Variants in GRK4 observed in about 807,000 individuals in gnomAD.
The protein encoded by GRK4 is G protein-coupled receptor kinase 4, also known as G protein-coupled receptor kinase 2-like.
Under a neutral mutation model 77.9 loss-of-function variants are expected in GRK4, and 73 were observed. The ratio of observed to expected loss-of-function variants is 0.94; its 90% CI spans 0.78 to 1.14. GRK4 has a LOEUF of 1.14. GRK4 is among the 50% of genes most tolerant of loss of function. The pLI, the probability that GRK4 is intolerant of heterozygous loss-of-function variation, is 0.00. For missense variants in GRK4, 729 were observed against 700.2 expected (o/e 1.04, Z -0.46); for synonymous variants, 257 against 254.4 (o/e 1.01, Z -0.10).
intron 3 of GRK4, among the ~76,000 whole-genome samples, chr4:2,989,440 GTCTC>G (rs753988937): frequency 2.8e-4 from 42 of 152,128 alleles, no homozygotes; most frequent in Non-Finnish European, 5.1e-4. Context: ...TTGAAATGGA[GTCTC>G]TCTCTGTCTC....
rs114914413 is a variant in GRK4 at position 2,997,655 on chromosome 4, A to T, written c.339+5363A>T. On this transcript the variant is annotated intron_variant, in intron 4 of 15. Coordinates refer to ENST00000398052, the MANE Select transcript of GRK4 (RefSeq NM_182982.3). ...CCGGGTGTGGTGGTGTTCACCTGTA[A>T]TTCCAGCACTTTGGGAGGCCGAGGT... Among the ~76,000 whole-genome samples the T allele has an allele frequency of 9.7e-3, 1,472 of 152,296 alleles. 30 individuals carry two copies. The highest frequency in any genetic ancestry group is 0.033 in the African/African-American group (1,382 of 41,560).
At chr4:3,019,343 A>G (rs545981465) in intron 8 of GRK4, among the ~76,000 whole-genome samples, 1 of 152,318 alleles carries the variant, frequency 6.6e-6, no homozygotes, top group Non-Finnish European at 1.5e-5. Flanking sequence ...TCAGGGCTCA[A>G]GTGATGAGAG....
At position 3,032,205 on chromosome 4, in the gene GRK4, C is replaced by T. The variant is rs574200519; in HGVS notation, c.1269+2796C>T. ...ACTGCAGTGAAAAAGCAGAATGGGC[C>T]GGGTGCGGTGGCTCATGCTATAATC... On this transcript the variant is annotated intron_variant, in intron 12 of 15. Transcript: ENST00000398052. Among the ~76,000 whole-genome samples the T allele has an allele frequency of 3.9e-5, 6 of 152,076 alleles. No individual in the cohort carries two copies. The East Asian group carries it at 5.8e-4, about 15-fold the overall frequency.
intron 8 of GRK4, among the ~76,000 whole-genome samples, chr4:3,014,298 T>TC (rs143778668): frequency 8.5e-6 from 1 of 118,146 alleles, no homozygotes; most frequent in Non-Finnish European, 1.7e-5. Flanking sequence ...CTCTCTCTCT[T>TC]TTTTTTTTTT....
intron 7 of GRK4, 79 bp downstream of exon 7, chr4:3,009,790 T>C (rs1732374269): frequency 2.0e-6 from 2 of 1,000,416 alleles, no homozygotes; most frequent in Non-Finnish European, 3.2e-6. Context: ...CTTCAGGTAA[T>C]GCATCAGCTC....
At chr4:2,983,657 T>C (rs925608123) in intron 1 of GRK4, among the ~76,000 whole-genome samples, 25 of 152,200 alleles carry the variant, frequency 1.6e-4, no homozygotes, top group African/African-American at 5.5e-4. Flanking sequence ...TTTTGTTTCA[T>C]ATTTATCACT....
At chr4:3,030,485 G>A (rs1053726401) in intron 12 of GRK4, among the ~76,000 whole-genome samples, 2 of 151,868 alleles carry the variant, frequency 1.3e-5, no homozygotes, top group African/African-American at 2.4e-5. Flanking sequence ...TCCAGGCACC[G>A]TCCTAGGCAT....
At chr4:2,987,193 A>G (rs1312987389) in intron 2 of GRK4, 2 of 503,542 alleles carry the variant, frequency 4.0e-6, no homozygotes, top group East Asian at 5.5e-5. Context: ...CAGACATTTC[A>G]TATAAATGGG....
At chr4:3,033,743 C>G (rs567993365) in intron 12 of GRK4, among the ~76,000 whole-genome samples, 2 of 152,142 alleles carry the variant, frequency 1.3e-5, no homozygotes, top group African/African-American at 4.8e-5. Flanking sequence ...TCTGCCACCA[C>G]GTCCGGCTAA....
intron 12 of GRK4, among the ~76,000 whole-genome samples, chr4:3,029,945 G>A (rs146650924): frequency 1.1e-4 from 17 of 152,326 alleles, no homozygotes; most frequent in African/African-American, 3.8e-4. Flanking sequence ...TTCATGGTTT[G>A]ATTTCTCAAA....
intron 1 of GRK4, among the ~76,000 whole-genome samples, chr4:2,979,235 A>AT (rs1336120056): frequency 1.3e-5 from 2 of 150,330 alleles, no homozygotes; most frequent in Non-Finnish European, 3.0e-5. Context: ...AAAAAAAAAA[A>AT]CAAAAAAAAA....
At chr4:2,972,468 A>G (rs963693250) in intron 1 of GRK4, among the ~76,000 whole-genome samples, 8 of 152,154 alleles carry the variant, frequency 5.3e-5, no homozygotes, top group African/African-American at 1.9e-4. Context: ...AACTGAGGAC[A>G]GCTGAATGAG....
chr4:2,964,154 C>CCG (rs1560323991), intron 1 of GRK4, 32 bp downstream of exon 1: 6 of 1,544,962 alleles, frequency 3.9e-6, no homozygotes, highest in Non-Finnish European at 5.3e-6. Flanking sequence ...CCGACCCCCC[C>CCG]CCCAGAGAAC....
At chr4:2,964,495 C>T (rs975741974) in intron 1 of GRK4, among the ~76,000 whole-genome samples, 7 of 152,154 alleles carry the variant, frequency 4.6e-5, no homozygotes, top group African/African-American at 1.4e-4. Flanking sequence ...CAAAAAAGAA[C>T]GGCGTCTTTA....
intron 1 of GRK4, chr4:2,965,542 C>A: frequency 1.5e-6 from 1 of 687,504 alleles, no homozygotes; most frequent in South Asian, 1.5e-5. Context: ...GCCGGCGATG[C>A]ATATTTAAAG....
chr4:3,029,416 C>CA lies in GRK4; in HGVS notation c.1269+8dup. 6.2e-7 allele frequency: 1 copy of CA among 1,609,516 alleles called. No individual in the cohort carries two copies. On this transcript the variant is annotated splice_region_variant and intron_variant, in intron 12 of 15. Transcript: ENST00000398052. ...CAAATCTATCTGCAGGATGGTAAGT[C>CA]AGGCTCTGTAGAGGCTGGGAAATGG...
Position 3,024,996 on chromosome 4 carries a change from C to A in GRK4, c.970+2545C>A, listed in dbSNP as rs548015328. ...AATTTAAAGTCACTCAGAGGCCGGG[C>A]ACAGTGGCTCTTGCCTGTAATCCCA... On this transcript the variant is annotated intron_variant, in intron 10 of 15. Coordinates refer to ENST00000398052, the MANE Select transcript of GRK4 (RefSeq NM_182982.3). Among the ~76,000 whole-genome samples the A allele has an allele frequency of 8.5e-5, 13 of 152,150 alleles. No homozygotes were observed. The East Asian group carries it at 2.5e-3, about 30-fold the overall frequency.
rs976704349 is a variant in GRK4 at position 2,963,673 on chromosome 4, CCAGTGAGCCCCTGT to C, written c.-396_-383del. The C allele has an allele frequency of 4.7e-5, 17 of 359,688 alleles. No individual in the cohort carries two copies. The South Asian group carries it at 9.7e-4, about 21-fold the overall frequency. 22.3% of individuals were successfully genotyped at this position (359,688 alleles called of 1,614,324 possible). ...TCGCCGGCCGCGGCGGGCGCCCCTG[CCAGTGAGCCCCTGT>C]CCGAAGTGAGCCACGGCATTGACTC... On this transcript the variant is annotated 5_prime_UTR_variant, in exon 1 of 16. Coordinates refer to ENST00000398052, the MANE Select transcript of GRK4 (RefSeq NM_182982.3).
intron 1 of GRK4, among the ~76,000 whole-genome samples, chr4:2,970,344 A>G (rs1560340955): frequency 6.6e-6 from 1 of 152,184 alleles, no homozygotes; most frequent in Non-Finnish European, 1.5e-5. Context: ...GACCAAAAAT[A>G]TCTATACCAC....
Sources: gnomAD v4.1 joint callset for allele counts (sites outside exome capture counted in the v4.1 genomes callset) on GRCh38, gnomAD v4.1.1 for gene constraint, MANE v1.5 for transcripts, NCBI Gene and HGNC (gene_info 2026-07-23, HGNC 2026-07-21) for gene names.